FRMD4A: variants seen among roughly 807,000 people sequenced by gnomAD.
FRMD4A encodes the protein FERM domain containing 4A, also known as FERM domain-containing protein 4A.
FRMD4A carries 29 observed loss-of-function variants against 129.1 expected under a neutral mutation model. The observed-to-expected ratio is 0.22, with a 90% CI of 0.17 to 0.31. FRMD4A has a LOEUF of 0.31. Ranked by LOEUF, FRMD4A falls within the 10% of genes least tolerant of loss-of-function variation. The pLI, the probability that FRMD4A is intolerant of heterozygous loss-of-function variation, is 1.00. For synonymous variants in FRMD4A, 634 were observed against 571.6 expected (o/e 1.11, Z -1.56); for missense variants, 1,272 against 1,375.8 (o/e 0.92, Z 1.19).
At chr10:14,205,259 A>G (rs1842749437) in intron 2 of FRMD4A, among the ~76,000 whole-genome samples, 1 of 152,112 alleles carries the variant, frequency 6.6e-6, no homozygotes, top group Admixed American at 6.5e-5. Flanking sequence ...GCCACATTTC[A>G]ACTACTCCAT....
intron 2 of FRMD4A, among the ~76,000 whole-genome samples, chr10:14,324,519 T>C (rs987500278): frequency 6.6e-6 from 1 of 152,242 alleles, no homozygotes; most frequent in Admixed American, 6.5e-5. Flanking sequence ...CCATTCTGTA[T>C]ACAGTGGTTT....
At chr10:14,300,994 T>C (rs1201951573) in intron 2 of FRMD4A, among the ~76,000 whole-genome samples, 2 of 152,188 alleles carry the variant, frequency 1.3e-5, no homozygotes, top group East Asian at 3.9e-4. Context: ...GTATTAGTTA[T>C]CTAACCTCCA....
chr10:13,968,673 T>C (rs2095499750), intron 2 of FRMD4A, among the ~76,000 whole-genome samples: 1 of 152,170 alleles, frequency 6.6e-6, no homozygotes, highest in African/African-American at 2.4e-5. Flanking sequence ...AGGCTGGTCT[T>C]GAACTCATGA....
At chr10:14,071,116 T>C (rs1334276908) in intron 2 of FRMD4A, among the ~76,000 whole-genome samples, 4 of 152,248 alleles carry the variant, frequency 2.6e-5, no homozygotes, top group Non-Finnish European at 4.4e-5. Context: ...TCTTACTTTC[T>C]TGATTTGCCT....
intron 4 of FRMD4A, among the ~76,000 whole-genome samples, chr10:13,799,051 C>T (rs191088869): frequency 5.5e-4 from 84 of 152,334 alleles, no homozygotes; most frequent in Non-Finnish European, 9.8e-4. Context: ...ATGGGGGGGT[C>T]CTCCTCCGAC....
At chr10:13,690,639 G>C (rs904097885) in intron 15 of FRMD4A, among the ~76,000 whole-genome samples, 9 of 152,136 alleles carry the variant, frequency 5.9e-5, no homozygotes, top group Admixed American at 5.9e-4. Flanking sequence ...TTGAGTCATG[G>C]GGCTTTCTCA....
At chr10:14,278,495 C>T (rs867930313) in intron 2 of FRMD4A, among the ~76,000 whole-genome samples, 4 of 152,156 alleles carry the variant, frequency 2.6e-5, no homozygotes, top group Non-Finnish European at 4.4e-5. Context: ...CTCCCACATC[C>T]CCAGAAGTCT....
intron 2 of FRMD4A, among the ~76,000 whole-genome samples, chr10:14,198,031 C>T (rs532934494): frequency 6.6e-5 from 10 of 152,314 alleles, no homozygotes; most frequent in Admixed American, 3.3e-4. Context: ...AGTGCTCATC[C>T]TCCATCCAGC....
intron 2 of FRMD4A, among the ~76,000 whole-genome samples, chr10:14,286,793 G>T (rs1407277034): frequency 6.6e-6 from 1 of 152,006 alleles, no homozygotes; most frequent in African/African-American, 2.4e-5. Context: ...AAATCCATTT[G>T]GTTTGAAGGC....
At chr10:14,269,781 G>A (rs1564429820) in intron 2 of FRMD4A, among the ~76,000 whole-genome samples, 2 of 152,170 alleles carry the variant, frequency 1.3e-5, no homozygotes, top group Non-Finnish European at 2.9e-5. Flanking sequence ...ATAATTAACG[G>A]ATGGTAATTA....
intron 2 of FRMD4A, among the ~76,000 whole-genome samples, chr10:14,180,159 G>A (rs1002630722): frequency 6.6e-6 from 1 of 152,216 alleles, no homozygotes; most frequent in East Asian, 1.9e-4. Flanking sequence ...GTGAATAGAA[G>A]AGTAATATTT....
chr10:13,820,153 C>T (rs1171514065), intron 3 of FRMD4A, among the ~76,000 whole-genome samples: 1 of 152,206 alleles, frequency 6.6e-6, no homozygotes, highest in African/African-American at 2.4e-5. Context: ...ATTGTCCCCT[C>T]CAGCTGCCTC....
intron 2 of FRMD4A, chr10:14,083,670 C>T (rs1431727709): frequency 1.3e-5 from 2 of 152,220 alleles, no homozygotes; most frequent in Non-Finnish European, 2.9e-5. Context: ...CCGGTTATAG[C>T]TGTGGTTAGT....
At chr10:13,738,281 T>C (rs2090767884) in intron 11 of FRMD4A, among the ~76,000 whole-genome samples, 1 of 152,200 alleles carries the variant, frequency 6.6e-6, no homozygotes, top group Admixed American at 6.5e-5. Flanking sequence ...GCCGGGATGC[T>C]CACTCACCAC....
At chr10:14,193,413 A>G (rs1246570583) in intron 2 of FRMD4A, among the ~76,000 whole-genome samples, 1 of 152,038 alleles carries the variant, frequency 6.6e-6, no homozygotes, top group Non-Finnish European at 1.5e-5. Context: ...GAAATGTCAC[A>G]TTTCATTGCT....
chr10:13,870,564 G>T (rs186818300), intron 2 of FRMD4A, among the ~76,000 whole-genome samples: 16 of 152,318 alleles, frequency 1.1e-4, no homozygotes, highest in Non-Finnish European at 2.2e-4. Flanking sequence ...GACCCAAGGA[G>T]CCGTGGTCCT....
intron 2 of FRMD4A, among the ~76,000 whole-genome samples, chr10:13,994,428 C>T (rs1382186606): frequency 2.0e-5 from 3 of 152,000 alleles, no homozygotes; most frequent in East Asian, 1.9e-4. Context: ...CTGCCTGCCT[C>T]GGCCTCCCAA....
chr10:13,958,008 C>A (rs985862665), intron 2 of FRMD4A, among the ~76,000 whole-genome samples: 19 of 152,122 alleles, frequency 1.2e-4, no homozygotes, highest in African/African-American at 4.6e-4. Context: ...CTAGATCCTG[C>A]TCTCGGCACA....
chr10:14,023,494 C>T (rs1042233109), intron 2 of FRMD4A, among the ~76,000 whole-genome samples: 2 of 152,182 alleles, frequency 1.3e-5, no homozygotes, highest in African/African-American at 4.8e-5. Flanking sequence ...AAGGTAACAG[C>T]TCACAGCCGC....
Sources: allele counts gnomAD v4.1 joint callset (sites outside exome capture counted in the v4.1 genomes callset), GRCh38; gene constraint gnomAD v4.1.1; transcripts MANE v1.5; gene names NCBI Gene and HGNC (gene_info 2026-07-23, HGNC 2026-07-21).